ZFHX3: variants seen among roughly 807,000 people sequenced by gnomAD.
ZFHX3 encodes zinc finger homeobox 3.
ZFHX3 carries 42 observed loss-of-function variants against 279.1 expected under a neutral mutation model. That is an observed-to-expected ratio of 0.15 (90% CI 0.12 to 0.19). ZFHX3 has a LOEUF of 0.19. Among genes scored for constraint, ZFHX3 ranks in the 10% least tolerant of loss-of-function variants. The pLI is 1.00. For missense variants in ZFHX3, 4,981 were observed against 4,754.0 expected, an observed-to-expected ratio of 1.05 and a Z score of -1.40; for synonymous variants, 2,293 against 1,957.8, an observed-to-expected ratio of 1.17 and a Z score of -4.52.
intron 1 of ZFHX3, among the ~76,000 whole-genome samples, chr16:73,703,961 GC>G (rs2053277650): frequency 6.6e-6 from 1 of 152,080 alleles, no homozygotes; most frequent in Non-Finnish European, 1.5e-5. Flanking sequence ...CTCTCATCAC[GC>G]CCACCTATAC....
chr16:73,558,797 C>T (rs1262709109), intron 2 of ZFHX3, among the ~76,000 whole-genome samples: 1 of 148,006 alleles, frequency 6.8e-6, no homozygotes, highest in East Asian at 2.0e-4. Flanking sequence ...ACTACAACCT[C>T]TGCCACCTGG....
At chr16:73,410,295 A>G (rs1473709011) in intron 3 of ZFHX3, among the ~76,000 whole-genome samples, 1 of 152,180 alleles carries the variant, frequency 6.6e-6, no homozygotes, top group Non-Finnish European at 1.5e-5. Context: ...AGCTGCCTGT[A>G]ATGCCAGCTA....
chr16:73,254,184 C>T (rs1010369249), intron 5 of ZFHX3, among the ~76,000 whole-genome samples: 1 of 152,098 alleles, frequency 6.6e-6, no homozygotes, highest in African/African-American at 2.4e-5. Context: ...TTCTCATTGG[C>T]CCAGGTGAGA....
At chr16:73,578,956 C>A (rs75740936) in intron 2 of ZFHX3, among the ~76,000 whole-genome samples, 1 of 152,120 alleles carries the variant, frequency 6.6e-6, no homozygotes, top group Admixed American at 6.6e-5. Flanking sequence ...CGAGTTCAGG[C>A]TGTGATGAGA....
At chr16:73,489,232 G>A (rs1267084219) in intron 2 of ZFHX3, among the ~76,000 whole-genome samples, 2 of 152,112 alleles carry the variant, frequency 1.3e-5, no homozygotes, top group Non-Finnish European at 2.9e-5. Flanking sequence ...CCTTATGTTT[G>A]GCATTCTAAT....
chr16:73,383,900 T>C (rs2016856490), intron 3 of ZFHX3, among the ~76,000 whole-genome samples: 2 of 152,250 alleles, frequency 1.3e-5, no homozygotes, highest in South Asian at 4.1e-4. Context: ...GAAGAATGCA[T>C]GCCTTCCAAA....
At chr16:73,378,383 A>T (rs1283946386) in intron 3 of ZFHX3, among the ~76,000 whole-genome samples, 1 of 152,128 alleles carries the variant, frequency 6.6e-6, no homozygotes, top group Non-Finnish European at 1.5e-5. Flanking sequence ...TTCTTTTGTA[A>T]AATATTTGTT....
At chr16:73,382,560 T>TG (rs1045274764) in intron 3 of ZFHX3, among the ~76,000 whole-genome samples, 16 of 152,066 alleles carry the variant, frequency 1.1e-4, no homozygotes, top group Admixed American at 2.0e-4. Flanking sequence ...GAATGGATTG[T>TG]GGGGGGGCAG....
intron 1 of ZFHX3, among the ~76,000 whole-genome samples, chr16:73,741,948 A>G (rs2053661597): frequency 6.6e-6 from 1 of 152,214 alleles, no homozygotes; most frequent in Non-Finnish European, 1.5e-5. Flanking sequence ...TTAATCATTT[A>G]CAAAGTCCCC....
intron 2 of ZFHX3, among the ~76,000 whole-genome samples, chr16:73,467,186 G>C (rs931265754): frequency 4.6e-5 from 7 of 152,224 alleles, no homozygotes; most frequent in African/African-American, 1.7e-4. Context: ...GGAAAAGAGA[G>C]GGAGACCTAT....
chr16:73,719,014 C>T (rs1478843236), intron 1 of ZFHX3, among the ~76,000 whole-genome samples: 1 of 152,180 alleles, frequency 6.6e-6, no homozygotes, highest in Non-Finnish European at 1.5e-5. Context: ...TGTATTTCTG[C>T]TTAAGGCTGC....
At chr16:73,540,568 T>C (rs1300358564) in intron 2 of ZFHX3, among the ~76,000 whole-genome samples, 1 of 152,194 alleles carries the variant, frequency 6.6e-6, no homozygotes, top group Non-Finnish European at 1.5e-5. Context: ...AGAGTTATTT[T>C]CTCCTATGCT....
chr16:72,830,903 G>A (rs919868945), intron 4 of ZFHX3, among the ~76,000 whole-genome samples: 3 of 152,170 alleles, frequency 2.0e-5, no homozygotes, highest in South Asian at 2.1e-4. Flanking sequence ...GTACACAGGC[G>A]TGAGGGCAAG....
rs571270848 is a variant in ZFHX3, at chr16:73,696,828, C to A, written c.-1607-16588G>T. ...ATATCTTTAGTCTTCCCTGAGACTT[C>A]TGGAAAGTGAAGAGGCTATTTAAAC... On this transcript the variant is annotated intron_variant, in intron 1 of 17. Coordinates refer to the ZFHX3 transcript ENST00000641206. Among the ~76,000 whole-genome samples, 3 of 152,204 alleles carry A rather than the reference C, an allele frequency of 2.0e-5. No homozygotes were observed. In the South Asian group the frequency reaches 6.2e-4, roughly 32 times the overall value.
At chr16:73,319,603 T>C (rs1313126534) in intron 3 of ZFHX3, among the ~76,000 whole-genome samples, 5 of 151,774 alleles carry the variant, frequency 3.3e-5, no homozygotes, top group African/African-American at 9.7e-5. Context: ...CGTGTGATCA[T>C]CTCTTTTTGA....
chr16:73,105,894 C>T (rs946310866), intron 7 of ZFHX3, among the ~76,000 whole-genome samples: 11 of 151,774 alleles, frequency 7.2e-5, no homozygotes, highest in South Asian at 2.1e-4. Flanking sequence ...TTTTCTTTCA[C>T]CCCCGCATCT....
intron 8 of ZFHX3, among the ~76,000 whole-genome samples, chr16:73,073,467 C>G (rs1447951169): frequency 6.6e-6 from 1 of 152,194 alleles, no homozygotes; most frequent in Non-Finnish European, 1.5e-5. Context: ...TTTTAAACTT[C>G]TAAATGTCAT....
intron 5 of ZFHX3, among the ~76,000 whole-genome samples, chr16:72,815,551 T>C (rs1165188401): frequency 6.6e-6 from 1 of 152,250 alleles, no homozygotes; most frequent in Non-Finnish European, 1.5e-5. Flanking sequence ...AATCAATTTC[T>C]ACTTCAGTTC....
At chr16:72,891,989 G>C (rs1162003439) in intron 3 of ZFHX3, among the ~76,000 whole-genome samples, 1 of 152,208 alleles carries the variant, frequency 6.6e-6, no homozygotes, top group Non-Finnish European at 1.5e-5. Flanking sequence ...TGACAAGCTA[G>C]AATGGTTAGA....
Sources: gnomAD v4.1 joint callset for allele counts (sites outside exome capture counted in the v4.1 genomes callset) on GRCh38, gnomAD v4.1.1 for gene constraint, MANE v1.5 for transcripts, NCBI Gene and HGNC (gene_info 2026-07-23, HGNC 2026-07-21) for gene names.